The following CCDC102B variants were observed in gnomAD, a reference collection of about 807,000 sequenced individuals.
CCDC102B encodes the protein coiled-coil domain containing 102B.
Under a neutral mutation model 57.4 loss-of-function variants are expected in CCDC102B, and 75 were observed. That is an observed-to-expected ratio of 1.31 (90% CI 1.08 to 1.58). The LOEUF is 1.58. Among genes scored for constraint, CCDC102B ranks in the 40% most tolerant of loss-of-function variants. CCDC102B has a pLI of 0.00. For missense variants in CCDC102B, 636 were observed against 582.6 expected (o/e 1.09, Z -0.94); for synonymous variants, 206 against 201.9 (o/e 1.02, Z -0.17).
intron 6 of CCDC102B, among the ~76,000 whole-genome samples, chr18:68,994,622 G>C (rs2050969542): frequency 6.6e-6 from 1 of 152,004 alleles, no homozygotes; most frequent in Non-Finnish European, 1.5e-5. Flanking sequence ...CACAAGATCT[G>C]ATGGTTTTAT....
chr18:69,045,715 A>G (rs2052544644), intron 7 of CCDC102B, among the ~76,000 whole-genome samples: 1 of 152,076 alleles, frequency 6.6e-6, no homozygotes, highest in East Asian at 1.9e-4. Flanking sequence ...TAAGCATAGC[A>G]CCCAATACAA....
At chr18:68,946,020 A>C (rs2049528057) in intron 6 of CCDC102B, among the ~76,000 whole-genome samples, 1 of 151,824 alleles carries the variant, frequency 6.6e-6, no homozygotes, top group Non-Finnish European at 1.5e-5. Context: ...TTAGTGGTTT[A>C]GTTGTTTCTA....
At chr18:68,728,159 A>G (rs566895817) in intron 2 of CCDC102B, among the ~76,000 whole-genome samples, 10 of 152,182 alleles carry the variant, frequency 6.6e-5, no homozygotes, top group Non-Finnish European at 1.0e-4. Flanking sequence ...CTGGCAATGT[A>G]TACTACTGGA....
At chr18:68,870,522 A>G (rs2039198547) in intron 4 of CCDC102B, among the ~76,000 whole-genome samples, 1 of 152,208 alleles carries the variant, frequency 6.6e-6, no homozygotes, top group African/African-American at 2.4e-5. Context: ...AGTTTGCCAA[A>G]TACCCTAAAG....
chr18:69,034,202 C>A (rs542039014), intron 7 of CCDC102B, among the ~76,000 whole-genome samples: 2 of 152,008 alleles, frequency 1.3e-5, no homozygotes, highest in African/African-American at 4.8e-5. Context: ...AAGCTTACAA[C>A]TTTTAAATAG....
chr18:68,920,938 C>T (rs2041256221), intron 6 of CCDC102B, among the ~76,000 whole-genome samples: 1 of 152,072 alleles, frequency 6.6e-6, no homozygotes, highest in African/African-American at 2.4e-5. Context: ...GGGCTGGTTT[C>T]CTTTTGCCAA....
At chr18:68,924,070 G>A (rs535410516) in intron 6 of CCDC102B, among the ~76,000 whole-genome samples, 10 of 151,996 alleles carry the variant, frequency 6.6e-5, no homozygotes, top group Non-Finnish European at 1.0e-4. Context: ...ACTACAATAT[G>A]TCTTAAAACT....
At chr18:68,859,052 A>G (rs1366807265) in intron 4 of CCDC102B, 2 of 152,422 alleles carry the variant, frequency 1.3e-5, no homozygotes, top group African/African-American at 4.8e-5. Context: ...TTCAAACTAT[A>G]CTACAAGGCT....
At chr18:68,749,392 T>G (rs1257998691) in intron 2 of CCDC102B, among the ~76,000 whole-genome samples, 1 of 152,176 alleles carries the variant, frequency 6.6e-6, no homozygotes, top group Non-Finnish European at 1.5e-5. Flanking sequence ...ACGATATTGA[T>G]TCTTCCTATC....
intron 6 of CCDC102B, among the ~76,000 whole-genome samples, chr18:68,980,004 G>C (rs562693848): frequency 2.0e-5 from 3 of 152,142 alleles, no homozygotes; most frequent in African/African-American, 7.2e-5. Flanking sequence ...GTAGGCGCAT[G>C]AACCTGTAGG....
intron 6 of CCDC102B, among the ~76,000 whole-genome samples, chr18:68,926,066 CAAAG>C: frequency 6.6e-6 from 1 of 151,818 alleles, no homozygotes; most frequent in East Asian, 1.9e-4. Context: ...AGGATGAAAA[CAAAG>C]GAAGCCAAGA....
intron 6 of CCDC102B, among the ~76,000 whole-genome samples, chr18:68,918,729 TA>T (rs1401432154): frequency 2.0e-5 from 3 of 152,188 alleles, no homozygotes; most frequent in Non-Finnish European, 4.4e-5. Flanking sequence ...TGTCAACAAA[TA>T]GTCTTTCTCA....
chr18:68,838,853 A>G lies in CCDC102B; in HGVS notation c.754A>G (p.Asn252Asp), dbSNP rs748072909. 6.2e-7 allele frequency: 1 copy of G among 1,614,030 alleles called. No homozygotes were observed. The highest frequency in any genetic ancestry group is 1.1e-5 in the South Asian group (1 of 91,070). The change falls in exon 3 of 8, where the codon AAT becomes GAT. Residue 252 changes from asparagine (N) to aspartate (D), a missense_variant. By Grantham distance (23) the Asn-to-Asp change is conservative. Transcript: ENST00000360242. ...RLKAINLPLE[N>D]EVTEISALQV... ...GAAAGCAATAAATCTGCCTTTGGAA[A>G]ATGAAGTAACTGAAATTTCAGCTTT...
chr18:68,904,740 G>A (rs1465662292), intron 6 of CCDC102B, among the ~76,000 whole-genome samples: 2 of 152,020 alleles, frequency 1.3e-5, no homozygotes, highest in Non-Finnish European at 2.9e-5. Context: ...TTCTAAAATA[G>A]GAGATTTATT....
At chr18:68,973,665 T>G (rs1409595175) in intron 6 of CCDC102B, among the ~76,000 whole-genome samples, 1 of 152,082 alleles carries the variant, frequency 6.6e-6, no homozygotes, top group Non-Finnish European at 1.5e-5. Flanking sequence ...GTGGATAGAT[T>G]TTTTCTTGTA....
intron 5 of CCDC102B, among the ~76,000 whole-genome samples, chr18:68,896,187 T>C (rs1412480476): frequency 6.6e-6 from 1 of 152,036 alleles, no homozygotes; most frequent in Non-Finnish European, 1.5e-5. Context: ...ACTTACAATG[T>C]CCACAGAAAA....
chr18:68,870,019 G>A (rs1377890602), intron 4 of CCDC102B, among the ~76,000 whole-genome samples: 1 of 152,148 alleles, frequency 6.6e-6, no homozygotes, highest in Non-Finnish European at 1.5e-5. Context: ...GTTTGTCGAA[G>A]ATCAGATGGT....
chr18:68,850,933 C>CT (rs2038094302), intron 4 of CCDC102B, among the ~76,000 whole-genome samples: 1 of 151,866 alleles, frequency 6.6e-6, no homozygotes, highest in Non-Finnish European at 1.5e-5. Context: ...AGTATGTTTC[C>CT]TTTCCTAATT....
intron 6 of CCDC102B, among the ~76,000 whole-genome samples, chr18:68,912,284 A>T (rs1372145700): frequency 6.6e-6 from 1 of 152,152 alleles, no homozygotes; most frequent in East Asian, 1.9e-4. Flanking sequence ...GTAAAACACT[A>T]CTCTGTAAGT....
Sources: gnomAD v4.1 joint callset for allele counts (sites outside exome capture counted in the v4.1 genomes callset) on GRCh38, gnomAD v4.1.1 for gene constraint, MANE v1.5 for transcripts, NCBI Gene and HGNC (gene_info 2026-07-23, HGNC 2026-07-21) for gene names.